The following ARHGEF16 variants were observed in gnomAD, a reference collection of about 807,000 sequenced individuals.
ARHGEF16 encodes Rho guanine exchange factor (GEF) 16.
Under a neutral mutation model 74.1 loss-of-function variants are expected in ARHGEF16, and 59 were observed. The ratio of observed to expected loss-of-function variants is 0.80; its 90% confidence interval spans 0.65 to 0.99. The LOEUF is 0.99. Among genes scored for constraint, ARHGEF16 ranks in the 50% least tolerant of loss-of-function variants. The pLI, the probability that ARHGEF16 is intolerant of heterozygous loss-of-function variation, is 0.00. For missense variants in ARHGEF16, 948 were observed against 986.6 expected (o/e 0.96, Z 0.52); for synonymous variants, 415 against 412.6 (o/e 1.01, Z -0.07).
At chr1:3,468,812 A>G in intron 4 of ARHGEF16, 68 bp from the exon 5 acceptor site, 1 of 1,534,016 alleles carries the variant, frequency 6.5e-7, no homozygotes, top group East Asian at 2.5e-5. Context: ...GGAGGAGGAA[A>G]GAAGGGAGAC....
chr1:3,478,055 G>C (rs771761123), intron 11 of ARHGEF16, 29 bp downstream of exon 11: 18 of 1,612,346 alleles, frequency 1.1e-5, no homozygotes, highest in East Asian at 6.7e-5. Context: ...GGTGTGGGGA[G>C]CCCCACTCCA....
At chr1:3,464,260 A>G (rs1293569899) in intron 2 of ARHGEF16, among the ~76,000 whole-genome samples, 1 of 152,172 alleles carries the variant, frequency 6.6e-6, no homozygotes, top group African/African-American at 2.4e-5. Context: ...ATGTGTCACT[A>G]GGGCCCAGGG....
At chr1:3,467,960 G>T (rs921230836) in intron 4 of ARHGEF16, among the ~76,000 whole-genome samples, 2 of 152,084 alleles carry the variant, frequency 1.3e-5, no homozygotes, top group African/African-American at 2.4e-5. Context: ...CTCCTTGTTC[G>T]CCATTCAGAG....
intron 10 of ARHGEF16, 92 bp from the exon 11 acceptor site, chr1:3,477,783 T>C (rs1639929466): frequency 1.6e-6 from 2 of 1,228,974 alleles, no homozygotes; most frequent in South Asian, 2.7e-5. Context: ...CCTGGTGCTA[T>C]GCGTCCTTGA....
At position 3,467,885 on chromosome 1, in the gene ARHGEF16, G is replaced by A. The variant is rs189953986; in HGVS notation, c.804+548G>A. Among the ~76,000 whole-genome samples, 14 of 152,272 alleles carry A rather than the reference G, an allele frequency of 9.2e-5. No individual in the cohort carries two copies. In the East Asian group the frequency reaches 2.7e-3, roughly 29 times the overall value. Reference sequence around the variant, plus strand: ...CCGCACCCTGAGGCCCAAGGGAGGGGACCATGTGGCCGTGGGCGTGGCGGG... The same window carrying A: ...CCGCACCCTGAGGCCCAAGGGAGGGAACCATGTGGCCGTGGGCGTGGCGGG... On this transcript the variant is annotated intron_variant, in intron 4 of 14. Transcript: ENST00000378378.
intron 4 of ARHGEF16, chr1:3,468,421 C>T (rs938540460): frequency 2.0e-5 from 4 of 195,700 alleles, no homozygotes; most frequent in Admixed American, 5.4e-5. Flanking sequence ...CTGTGGGCCC[C>T]GAGGAGGAGG....
At position 3,471,809 on chromosome 1, in the gene ARHGEF16, G is replaced by A. The variant is rs555588222; in HGVS notation, c.1023-1269G>A. The A allele has an allele frequency of 1.5e-4, 165 of 1,086,278 alleles. No homozygotes were observed. In the African/African-American group the frequency reaches 2.6e-3, roughly 17 times the overall value. The allele number at this position is 1,086,278 out of a possible 1,614,324, so 67.3% of individuals were successfully genotyped here. On this transcript the variant is annotated intron_variant, in intron 6 of 14. Transcript: ENST00000378378. The stretch of plus-strand genomic sequence containing the variant: ...TATTTGGGGTAAGCGGCTGGTGGGC[G>A]GCTCTCCCAGACCTTTCTCAGAACC...
At chr1:3,466,110 G>T in intron 2 of ARHGEF16, 38 bp from the exon 3 acceptor site, 1 of 1,547,402 alleles carries the variant, frequency 6.5e-7, no homozygotes, top group Non-Finnish European at 8.7e-7. Context: ...ACCTGCCCCG[G>T]CTGACAGCTG....
intron 1 of ARHGEF16, among the ~76,000 whole-genome samples, chr1:3,461,774 G>A (rs1639401697): frequency 6.6e-6 from 1 of 152,194 alleles, no homozygotes; most frequent in African/African-American, 2.4e-5. Flanking sequence ...TGCACATCTC[G>A]GTCACACGGG....
intron 6 of ARHGEF16, chr1:3,471,683 C>G (rs1208428540): frequency 2.4e-6 from 3 of 1,243,630 alleles, no homozygotes; most frequent in Non-Finnish European, 3.1e-6. Context: ...CTCCTCAGGG[C>G]TTTAGATTGC....
At chr1:3,461,556 G>A (rs546938424) in intron 1 of ARHGEF16, among the ~76,000 whole-genome samples, 14 of 152,328 alleles carry the variant, frequency 9.2e-5, no homozygotes, top group East Asian at 5.8e-4. Context: ...CCAGACCCTC[G>A]GAATCCATTG....
At chr1:3,465,529 A>G (rs1472226051) in intron 2 of ARHGEF16, among the ~76,000 whole-genome samples, 2 of 152,096 alleles carry the variant, frequency 1.3e-5, no homozygotes, top group Non-Finnish European at 2.9e-5. Flanking sequence ...AGCACCACAC[A>G]CTCCCAACCA....
chr1:3,471,220 GAGCCTC>G (rs1639713610), intron 6 of ARHGEF16, among the ~76,000 whole-genome samples: 1 of 152,044 alleles, frequency 6.6e-6, no homozygotes, highest in African/African-American at 2.4e-5. Context: ...CGAGTCTCCT[GAGCCTC>G]AGCCTCAATG....
Position 3,476,378 on chromosome 1 carries a change from G to C in ARHGEF16, c.1473+316G>C, listed in dbSNP as rs111372778. ...GAGTGACCAAGCCCAGGGGGCAACA[G>C]GAGTGGCCCTGTCAGTGCACTTGCC... On this transcript the variant is annotated intron_variant, in intron 10 of 14. Transcript: ENST00000378378. Among the ~76,000 whole-genome samples, 460 of 152,314 alleles carry C rather than the reference G, an allele frequency of 3.0e-3. 1 individual carries two copies. Among genetic ancestry groups the C allele is most frequent in the African/African-American group, 0.011 (444 of 41,568 alleles).
chr1:3,468,819 A>G, intron 4 of ARHGEF16, 61 bp from the exon 5 acceptor site: 1 of 1,538,952 alleles, frequency 6.5e-7, no homozygotes, highest in Non-Finnish European at 8.8e-7. Context: ...GAAAGAAGGG[A>G]GACTTTGGCC....
At chr1:3,467,039 T>C (rs1481372244) in intron 3 of ARHGEF16, 129 bp from the exon 4 acceptor site, 20 of 1,016,746 alleles carry the variant, frequency 2.0e-5, no homozygotes, top group Non-Finnish European at 2.7e-5. Flanking sequence ...GGCAGTCCCC[T>C]CCCAAAGCCT....
At chr1:3,465,963 T>C (rs919389894) in intron 2 of ARHGEF16, 185 bp from the exon 3 acceptor site, 72 of 640,728 alleles carry the variant, frequency 1.1e-4, no homozygotes, top group Non-Finnish European at 1.6e-4. Context: ...TCCTGCCTGC[T>C]CTGAGCCCTC....
chr1:3,474,834 T>TGGCCCCC, intron 9 of ARHGEF16, 52 bp downstream of exon 9: 2 of 1,527,998 alleles, frequency 1.3e-6, no homozygotes, highest in Non-Finnish European at 1.8e-6. Context: ...CCCGACCCTG[T>TGGCCCCC]CCCCACCCAA....
intron 10 of ARHGEF16, among the ~76,000 whole-genome samples, chr1:3,476,777 C>G (rs1367567720): frequency 3.3e-5 from 5 of 152,164 alleles, no homozygotes; most frequent in Non-Finnish European, 5.9e-5. Flanking sequence ...CAGCCACCCT[C>G]ACTCAGGGCC....
Sources: gnomAD v4.1 joint callset for allele counts (sites outside exome capture counted in the v4.1 genomes callset) on GRCh38, gnomAD v4.1.1 for gene constraint, MANE v1.5 for transcripts, NCBI Gene and HGNC (gene_info 2026-07-23, HGNC 2026-07-21) for gene names.